ADAM12: variants seen among roughly 807,000 people sequenced by gnomAD.
ADAM12 encodes the protein disintegrin and metalloproteinase domain-containing protein 12.
In ADAM12, 70 loss-of-function variants were observed where a neutral mutation model predicts 106.4. That is an observed-to-expected ratio of 0.66 (90% CI 0.54 to 0.80). The LOEUF (loss-of-function observed/expected upper bound fraction) is 0.80. Ranked by LOEUF, ADAM12 falls within the 30% of genes least tolerant of loss-of-function variation. The pLI, the probability that ADAM12 is intolerant of heterozygous loss-of-function variation, is 0.00. For missense variants in ADAM12, 1,010 were observed against 1,171.9 expected, an observed-to-expected ratio of 0.86 and a Z score of 2.02; for synonymous variants, 420 against 433.5, an observed-to-expected ratio of 0.97 and a Z score of 0.39.
At chr10:126,188,875 A>G (rs970757606) in intron 3 of ADAM12, among the ~76,000 whole-genome samples, 25 of 152,002 alleles carry the variant, frequency 1.6e-4, no homozygotes, top group Non-Finnish European at 5.9e-5. Flanking sequence ...TTTGTCGCCC[A>G]TCCTTCATCC....
At chr10:126,078,913 T>G (rs919284303) in intron 11 of ADAM12, among the ~76,000 whole-genome samples, 8 of 152,128 alleles carry the variant, frequency 5.3e-5, no homozygotes, top group African/African-American at 1.9e-4. Context: ...CAGCAGTGAA[T>G]GCTGAAACAC....
intron 12 of ADAM12, among the ~76,000 whole-genome samples, chr10:126,069,817 G>A (rs998222806): frequency 1.3e-5 from 2 of 152,144 alleles, no homozygotes; most frequent in Non-Finnish European, 2.9e-5. Flanking sequence ...ATGGTCATGA[G>A]AGAAATGGTG....
chr10:126,070,680 C>T (rs143152457), intron 12 of ADAM12: 7 of 152,122 alleles, frequency 4.6e-5, no homozygotes, highest in African/African-American at 9.7e-5. Flanking sequence ...CATAAACTCT[C>T]GGGGAGGGAG....
At chr10:126,142,438 G>A (rs1956529943) in intron 4 of ADAM12, among the ~76,000 whole-genome samples, 1 of 152,266 alleles carries the variant, frequency 6.6e-6, no homozygotes, top group Non-Finnish European at 1.5e-5. Flanking sequence ...GCAGGAGCAT[G>A]TCCTTAAGGC....
intron 5 of ADAM12, among the ~76,000 whole-genome samples, chr10:126,119,978 C>T (rs534678643): frequency 6.6e-6 from 1 of 152,224 alleles, no homozygotes; most frequent in African/African-American, 2.4e-5. Flanking sequence ...AGCAAACTGG[C>T]ATCTCTGAAT....
At chr10:126,182,681 C>G (rs987553178) in intron 3 of ADAM12, among the ~76,000 whole-genome samples, 2 of 152,130 alleles carry the variant, frequency 1.3e-5, no homozygotes, top group Non-Finnish European at 2.9e-5. Flanking sequence ...AAATATTGAT[C>G]ATGGTGGGGC....
At chr10:126,123,928 A>G (rs1436133744) in intron 5 of ADAM12, among the ~76,000 whole-genome samples, 1 of 152,228 alleles carries the variant, frequency 6.6e-6, no homozygotes, top group Admixed American at 6.5e-5. Flanking sequence ...AACAAAGAGG[A>G]ATCTATTAAA....
intron 2 of ADAM12, among the ~76,000 whole-genome samples, chr10:126,289,760 A>C (rs1310516369): frequency 6.6e-6 from 1 of 152,228 alleles, no homozygotes; most frequent in Non-Finnish European, 1.5e-5. Flanking sequence ...GAGGGGCCTC[A>C]GGCTAGAAGG....
chr10:126,320,058 C>T (rs975446673), intron 2 of ADAM12, among the ~76,000 whole-genome samples: 20 of 152,186 alleles, frequency 1.3e-4, no homozygotes, highest in Non-Finnish European at 2.6e-4. Flanking sequence ...CGAAAACCTT[C>T]GCTATTACAA....
intron 2 of ADAM12, among the ~76,000 whole-genome samples, chr10:126,293,672 C>G (rs139593633): frequency 0.016 from 2,507 of 152,274 alleles, 71 homozygotes; most frequent in African/African-American, 0.058. Context: ...GTGCATGTCA[C>G]CACGCCTGGC....
intron 4 of ADAM12, among the ~76,000 whole-genome samples, chr10:126,143,671 T>C (rs971726958): frequency 6.6e-6 from 1 of 151,894 alleles, no homozygotes; most frequent in African/African-American, 2.4e-5. Context: ...TATGTGTATA[T>C]GTATGTGCAT....
At chr10:126,158,848 G>A (rs186460737) in intron 3 of ADAM12, among the ~76,000 whole-genome samples, 9 of 141,898 alleles carry the variant, frequency 6.3e-5, no homozygotes, top group Admixed American at 4.2e-4. Flanking sequence ...GATGCACAGA[G>A]CACGGTGGGG....
intron 3 of ADAM12, among the ~76,000 whole-genome samples, chr10:126,247,740 C>A (rs751099630): frequency 6.6e-6 from 1 of 152,152 alleles, no homozygotes; most frequent in African/African-American, 2.4e-5. Flanking sequence ...GAATAATGAA[C>A]GTATGACTCT....
intron 19 of ADAM12, 35 bp from the exon 20 acceptor site, chr10:126,038,384 G>A: frequency 6.7e-7 from 1 of 1,484,304 alleles, no homozygotes; most frequent in Non-Finnish European, 9.0e-7. Flanking sequence ...GACCAAGCGT[G>A]TTTCCCCTTC....
chr10:126,345,075 T>G (rs1405752478), intron 1 of ADAM12, among the ~76,000 whole-genome samples: 1 of 152,208 alleles, frequency 6.6e-6, no homozygotes, highest in South Asian at 2.1e-4. Context: ...ATAGGAGTGG[T>G]GAGAGAGGGC....
At chr10:126,364,833 C>G (rs1564758266) in intron 1 of ADAM12, among the ~76,000 whole-genome samples, 1 of 152,140 alleles carries the variant, frequency 6.6e-6, no homozygotes, top group Non-Finnish European at 1.5e-5. Context: ...CTCAACTCCT[C>G]CCTCACCATC....
At chr10:126,357,479 G>A (rs530635831) in intron 1 of ADAM12, among the ~76,000 whole-genome samples, 1 of 152,222 alleles carries the variant, frequency 6.6e-6, no homozygotes, top group East Asian at 1.9e-4. Context: ...AAGCCTGATG[G>A]CTTTTCTAAT....
chr10:126,344,862 C>T (rs200387261), intron 1 of ADAM12, among the ~76,000 whole-genome samples: 24,497 of 152,004 alleles, frequency 0.16, 2,207 homozygotes, highest in Middle Eastern at 0.28. Context: ...GTGATTTTTG[C>T]ACATTGATTT....
intron 1 of ADAM12, among the ~76,000 whole-genome samples, chr10:126,384,067 T>C (rs969012837): frequency 2.6e-5 from 4 of 152,166 alleles, no homozygotes; most frequent in Admixed American, 6.5e-5. Context: ...GGAATGCAGA[T>C]ATGATGCCAA....
Sources: allele counts gnomAD v4.1 joint callset (sites outside exome capture counted in the v4.1 genomes callset), GRCh38; gene constraint gnomAD v4.1.1; transcripts MANE v1.5; gene names NCBI Gene and HGNC (gene_info 2026-07-23, HGNC 2026-07-21).